Variants in AGAP1 observed in about 807,000 individuals in gnomAD.
AGAP1 encodes the protein ArfGAP with GTPase domain, ankyrin repeat and PH domain 1.
In AGAP1, 29 loss-of-function variants were observed where a neutral mutation model predicts 105.3. The ratio of observed to expected loss-of-function variants is 0.28; its 90% confidence interval spans 0.21 to 0.38. The LOEUF (loss-of-function observed/expected upper bound fraction) is 0.38. Ranked by LOEUF, AGAP1 falls within the 10% of genes least tolerant of loss-of-function variation. The probability of loss-of-function intolerance (pLI) is 1.00; values close to 1 mark genes in which losing one functional copy is unlikely to be tolerated. For missense variants in AGAP1, 998 were observed against 1,165.1 expected (o/e 0.86, Z 2.09); for synonymous variants, 509 against 485.9 (o/e 1.05, Z -0.63).
rs1188109697 is a variant in AGAP1 at position 235,793,782 on chromosome 2, A to C, written c.674-3977A>C. Among the ~76,000 whole-genome samples the C allele has an allele frequency of 6.6e-6, 1 of 152,136 alleles. No homozygotes were observed. The highest frequency in any genetic ancestry group is 2.4e-5 in the African/African-American group (1 of 41,428). The stretch of plus-strand genomic sequence containing the variant: ...TTGTGTGATTTAGAAACAAGATGGA[A>C]GTAGAAATTGGGCATTATGTCAGGA... On this transcript the variant is annotated intron_variant, in intron 6 of 17. Coordinates refer to ENST00000304032, the MANE Select transcript of AGAP1 (RefSeq NM_001037131.3). The surrounding 1 kb of genome is among the most constrained non-coding windows in gnomAD (Gnocchi z 5.3).
chr2:235,948,544 T>C (rs1262620784), intron 12 of AGAP1, among the ~76,000 whole-genome samples: 4 of 152,148 alleles, frequency 2.6e-5, no homozygotes, highest in Non-Finnish European at 5.9e-5. Context: ...AGAACACAAA[T>C]TGAGAGGTGA....
rs1407161546 is a variant in AGAP1 at position 235,889,489 on chromosome 2, A to C, written c.1155+6040A>C. ...GCCCTGGGATGTCACTTTCCTTCCC[A>C]CTTAATTGCTTTGGATTTCTCTTTC... On this transcript the variant is annotated intron_variant, in intron 10 of 17. Transcript: ENST00000304032. This position sits in a 1 kb window ranked among gnomAD's most constrained non-coding sequence, Gnocchi z 4.6. 1.3e-5 allele frequency among the ~76,000 whole-genome samples: 2 copies of C among 150,908 alleles called. No homozygotes were observed. The highest frequency in any genetic ancestry group is 2.9e-5 in the Non-Finnish European group (2 of 67,844).
At chr2:235,558,498 G>T (rs1422480015) in intron 1 of AGAP1, among the ~76,000 whole-genome samples, 1 of 152,120 alleles carries the variant, frequency 6.6e-6, no homozygotes, top group African/African-American at 2.4e-5. Flanking sequence ...TTTCCAGAAT[G>T]TTCTCATGTC....
intron 10 of AGAP1, among the ~76,000 whole-genome samples, chr2:235,892,375 T>A (rs1405731119): frequency 6.6e-6 from 1 of 152,170 alleles, no homozygotes; most frequent in East Asian, 1.9e-4. Context: ...AACCCTTTGA[T>A]TCTGTGTGTC....
intron 1 of AGAP1, among the ~76,000 whole-genome samples, chr2:235,630,846 C>T (rs1005875377): frequency 2.6e-5 from 4 of 152,206 alleles, no homozygotes; most frequent in Admixed American, 1.3e-4. Context: ...ATTTCTCCTC[C>T]TAATGATTTG....
chr2:235,650,874 G>A (rs1947560586), intron 1 of AGAP1, among the ~76,000 whole-genome samples: 1 of 152,048 alleles, frequency 6.6e-6, no homozygotes, highest in African/African-American at 2.4e-5. Context: ...GGCACCATTA[G>A]GAGACAGCCA....
At position 235,901,554 on chromosome 2, in the gene AGAP1, T is replaced by A. The variant is rs532021970; in HGVS notation, c.1156-7184T>A. On this transcript the variant is annotated intron_variant, in intron 10 of 17. Coordinates refer to ENST00000304032, the MANE Select transcript of AGAP1 (RefSeq NM_001037131.3). The surrounding 1 kb of genome is among the most constrained non-coding windows in gnomAD (Gnocchi z 4.3). ...AGACATGAAGCTAGACTAGTGGTTC[T>A]CAAGACTTTGGGCTCAGGACCCCTT... Among the ~76,000 whole-genome samples, 16 of 152,192 alleles carry A rather than the reference T, an allele frequency of 1.1e-4. No homozygotes were observed. Among genetic ancestry groups the A allele is most frequent in the Non-Finnish European group, 1.9e-4 (13 of 68,032 alleles).
In AGAP1 at chr2:235,586,100, G is replaced by A. The variant is rs1038695908; in HGVS notation, c.163+91251G>A. ...GAGTCAAATGCAAGTTGGGGAAGTGGCTGAAAAAAATGCCTCCTGGAAAAA... is the reference window on the plus strand; with the variant it reads ...GAGTCAAATGCAAGTTGGGGAAGTGACTGAAAAAAATGCCTCCTGGAAAAA... On this transcript the variant is annotated intron_variant, in intron 1 of 17. Transcript: ENST00000304032. The surrounding 1 kb of genome is among the most constrained non-coding windows in gnomAD (Gnocchi z 4.2). Among the ~76,000 whole-genome samples, 63 of 152,068 alleles carry A rather than the reference G, an allele frequency of 4.1e-4. 1 individual carries two copies. The highest frequency in any genetic ancestry group is 1.4e-3 in the African/African-American group (60 of 41,406).
intron 14 of AGAP1, among the ~76,000 whole-genome samples, chr2:236,037,700 G>A (rs540151574): frequency 3.9e-5 from 6 of 152,300 alleles, no homozygotes; most frequent in African/African-American, 1.4e-4. Flanking sequence ...GAGCTACCAC[G>A]CCTGGCTTAA....
Position 235,845,847 on chromosome 2 carries a change from G to A in AGAP1, c.1051-37498G>A, listed in dbSNP as rs1961420975. On this transcript the variant is annotated intron_variant, in intron 9 of 17. Coordinates refer to ENST00000304032, the MANE Select transcript of AGAP1 (RefSeq NM_001037131.3). This position sits in a 1 kb window ranked among gnomAD's most constrained non-coding sequence, Gnocchi z 4.8. ...TGCATGTGGTTTGGGGCCTGGATGT[G>A]TGTTTGGGCCTCCTCACTGGTTTCC... is the stretch of plus-strand genomic sequence containing the variant. 6.6e-6 allele frequency among the ~76,000 whole-genome samples: 1 copy of A among 151,868 alleles called. No individual in the cohort carries two copies.
At position 236,101,139 on chromosome 2, in the gene AGAP1, C is replaced by T. The variant is rs1259002178; in HGVS notation, c.2115-19053C>T. On this transcript the variant is annotated intron_variant, in intron 16 of 17. Transcript: ENST00000304032. This position sits in a 1 kb window ranked among gnomAD's most constrained non-coding sequence, Gnocchi z 4.9. ...CCAAATTGATTTTCAATGTGTTTCC[C>T]TTTGGTTATTCCCCACTCCCATGCC... Among the ~76,000 whole-genome samples the T allele has an allele frequency of 2.6e-5, 4 of 152,036 alleles. No homozygotes were observed. Among genetic ancestry groups the T allele is most frequent in the African/African-American group, 4.8e-5 (2 of 41,376 alleles).
intron 1 of AGAP1, among the ~76,000 whole-genome samples, chr2:235,597,050 G>A (rs1401113821): frequency 6.6e-6 from 1 of 152,190 alleles, no homozygotes; most frequent in Admixed American, 6.5e-5. Context: ...GCCTCTGCCG[G>A]TGGTCTTTGT....
chr2:236,022,998 G>C (rs4442947), intron 13 of AGAP1, among the ~76,000 whole-genome samples: 101,493 of 152,140 alleles, frequency 0.67, 35,631 homozygotes, highest in African/African-American at 0.89. Flanking sequence ...TTAATAGATG[G>C]TTTTAAAACA....
Position 235,610,121 on chromosome 2 carries a change from C to A in AGAP1, c.164-99058C>A, listed in dbSNP as rs940993710. 3.3e-5 allele frequency among the ~76,000 whole-genome samples: 5 copies of A among 152,176 alleles called. No individual in the cohort carries two copies. The highest frequency in any genetic ancestry group is 7.3e-5 in the Non-Finnish European group (5 of 68,038). ...GTCACAGATATGGTGACAGGCTTGT[C>A]TCCACCATTGGAGTAAGCTCCAGCC... On this transcript the variant is annotated intron_variant, in intron 1 of 17. Coordinates refer to ENST00000304032, the MANE Select transcript of AGAP1 (RefSeq NM_001037131.3). This position sits in a 1 kb window ranked among gnomAD's most constrained non-coding sequence, Gnocchi z 4.9.
intron 1 of AGAP1, among the ~76,000 whole-genome samples, chr2:235,686,896 T>C (rs2149425061): frequency 6.6e-6 from 1 of 151,500 alleles, no homozygotes; most frequent in South Asian, 2.1e-4. Context: ...ACCCTTGAGC[T>C]TAAGTGAACC....
intron 12 of AGAP1, among the ~76,000 whole-genome samples, chr2:235,955,703 T>C (rs918654577): frequency 3.3e-5 from 5 of 152,216 alleles, no homozygotes; most frequent in African/African-American, 1.2e-4. Flanking sequence ...AAGGCTGGGC[T>C]TCTGCATATC....
At chr2:236,084,158 G>T (rs1367062085) in intron 16 of AGAP1, among the ~76,000 whole-genome samples, 1 of 151,978 alleles carries the variant, frequency 6.6e-6, no homozygotes, top group African/African-American at 2.4e-5. Context: ...TTGGAGTGGG[G>T]CTGGGAGGCC....
At chr2:235,543,544 C>T (rs1943523419) in intron 1 of AGAP1, among the ~76,000 whole-genome samples, 1 of 152,218 alleles carries the variant, frequency 6.6e-6, no homozygotes, top group Non-Finnish European at 1.5e-5. Flanking sequence ...CTGGATTGAG[C>T]TCTGCAGCAA....
chr2:235,994,245 A>G lies in AGAP1; in HGVS notation c.1645+25622A>G, dbSNP rs1021331877. Among the ~76,000 whole-genome samples the G allele has an allele frequency of 6.6e-6, 1 of 152,078 alleles. No individual in the cohort carries two copies. Among genetic ancestry groups the G allele is most frequent in the African/African-American group, 2.4e-5 (1 of 41,404 alleles). On this transcript the variant is annotated intron_variant, in intron 13 of 17. Coordinates refer to ENST00000304032, the MANE Select transcript of AGAP1 (RefSeq NM_001037131.3). This position sits in a 1 kb window ranked among gnomAD's most constrained non-coding sequence, Gnocchi z 4.4. Reference sequence around the variant, plus strand: ...CCTTCGTCTTAGAGTGCCTACATCCATTTCTGTTGAAACTGGTCATAGTTA... The same window carrying G: ...CCTTCGTCTTAGAGTGCCTACATCCGTTTCTGTTGAAACTGGTCATAGTTA...
Sources: gnomAD v4.1 joint callset for allele counts (sites outside exome capture counted in the v4.1 genomes callset) on GRCh38, gnomAD v4.1.1 for gene constraint, Gnocchi (gnomAD v3.1) non-coding constraint, MANE v1.5 for transcripts, NCBI Gene and HGNC (gene_info 2026-07-23, HGNC 2026-07-21) for gene names.